ANKRD36C: variants seen among roughly 807,000 people sequenced by gnomAD.
ANKRD36C encodes ankyrin repeat domain 36C.
A neutral mutation model predicts 276.4 loss-of-function variants in ANKRD36C; 61 were observed. The ratio of observed to expected loss-of-function variants is 0.22; its 90% CI spans 0.18 to 0.27. The LOEUF is 0.27. ANKRD36C is among the 10% of genes least tolerant of loss of function. The probability of loss-of-function intolerance (pLI) is 1.00; values close to 1 mark genes in which losing one functional copy is unlikely to be tolerated. For missense variants in ANKRD36C, 1,447 were observed against 2,032.3 expected, an observed-to-expected ratio of 0.71 and a Z score of 5.54; for synonymous variants, 483 against 680.1, an observed-to-expected ratio of 0.71 and a Z score of 4.51.
At chr2:95,949,467 G>C (rs1678139658) in intron 16 of ANKRD36C, among the ~76,000 whole-genome samples, 1 of 151,972 alleles carries the variant, frequency 6.6e-6, no homozygotes, top group Non-Finnish European at 1.5e-5. Context: ...CTCTTCAGCA[G>C]GGATCCATGG....
intron 16 of ANKRD36C, among the ~76,000 whole-genome samples, chr2:95,949,016 G>T (rs1664503113): frequency 6.6e-6 from 1 of 152,044 alleles, no homozygotes; most frequent in Non-Finnish European, 1.5e-5. Flanking sequence ...AGGTAGAAAA[G>T]GCACGGTCTC....
intron 14 of ANKRD36C, among the ~76,000 whole-genome samples, chr2:95,952,080 G>A (rs1174830426): frequency 4.7e-3 from 662 of 140,252 alleles, no homozygotes; most frequent in African/African-American, 0.021. Flanking sequence ...GAAGTGAAAT[G>A]AAAGAATAGA....
At chr2:95,925,230 C>A in intron 30 of ANKRD36C, 122 bp downstream of exon 30, 1 of 1,472,488 alleles carries the variant, frequency 6.8e-7, no homozygotes, top group Non-Finnish European at 9.2e-7. Flanking sequence ...TAGAAATGCA[C>A]AATCTCAGGC....
At chr2:95,976,956 G>C (rs1678824500) in intron 6 of ANKRD36C, among the ~76,000 whole-genome samples, 1 of 151,906 alleles carries the variant, frequency 6.6e-6, no homozygotes, top group South Asian at 2.1e-4. Flanking sequence ...TGGGGGTGTG[G>C]AGGGAAAGTT....
At chr2:95,894,536 A>G (rs1273066334) in intron 44 of ANKRD36C, among the ~76,000 whole-genome samples, 7 of 151,366 alleles carry the variant, frequency 4.6e-5, no homozygotes, top group Admixed American at 3.3e-4. Context: ...TCACTCTAGG[A>G]CTTAATTAGA....
chr2:95,857,682 C>T (rs4907283), intron 61 of ANKRD36C, among the ~76,000 whole-genome samples, 190 bp from the exon 82 acceptor site: 40,144 of 148,430 alleles, frequency 0.27, 4,745 homozygotes, highest in East Asian at 0.42. Context: ...CATAACCTTA[C>T]GAGACAAGGA....
At chr2:95,982,172 T>C in intron 4 of ANKRD36C, 84 bp downstream of exon 4, 1 of 1,047,452 alleles carries the variant, frequency 9.5e-7, no homozygotes, top group Non-Finnish European at 1.4e-6. Flanking sequence ...CTTATTAATG[T>C]AAAATTTGTG....
At position 95,910,463 on chromosome 2, in the gene ANKRD36C, C is replaced by A. The variant is rs138068429; in HGVS notation, c.2653+1781G>T. On this transcript the variant is annotated intron_variant, in intron 42 of 66. Coordinates refer to ENST00000456556, the Ensembl canonical transcript of ANKRD36C. ...CTTGTAGCCTGAATAGAATTTGAAA[C>A]GAAATAATAAATAAATAAAGTATGT... The A allele has an allele frequency of 6.3e-7, 1 of 1,583,866 alleles. No individual in the cohort carries two copies. Among genetic ancestry groups the A allele is most frequent in the Non-Finnish European group, 8.6e-7 (1 of 1,165,414 alleles).
At chr2:95,966,336 AT>A (rs201020567) in intron 6 of ANKRD36C, among the ~76,000 whole-genome samples, 6,893 of 152,256 alleles carry the variant, frequency 0.045, 231 homozygotes, top group Non-Finnish European at 0.069. Context: ...TCTTGAGTTA[AT>A]TTTTGTATAA....
exon 63 of ANKRD36C, chr2:95,855,549 T>G (rs5005869): frequency 1.2e-6 from 2 of 1,610,766 alleles, no homozygotes; most frequent in Non-Finnish European, 1.7e-6. Flanking sequence ...TTCCATTGTA[T>G]TGTATCCACT....
At chr2:95,862,421 T>C (rs1451392829) in intron 60 of ANKRD36C, among the ~76,000 whole-genome samples, 9 of 151,724 alleles carry the variant, frequency 5.9e-5, no homozygotes, top group African/African-American at 2.2e-4. Context: ...GTAACACACA[T>C]CTAAATAACC....
At chr2:95,965,138 C>G (rs2443889) in intron 6 of ANKRD36C, among the ~76,000 whole-genome samples, 4 of 151,516 alleles carry the variant, frequency 2.6e-5, no homozygotes, top group Non-Finnish European at 5.9e-5. Flanking sequence ...CATGAGACAG[C>G]AAATAAATAT....
chr2:95,910,639 G>C, intron 42 of ANKRD36C, 71 bp from the exon 45 acceptor site: 1 of 1,596,538 alleles, frequency 6.3e-7, no homozygotes, highest in Non-Finnish European at 8.5e-7. Context: ...TTCATGCAGC[G>C]TTAGCATCAA....
Position 95,902,703 on chromosome 2 carries a change from T to G in ANKRD36C, c.2654-3367A>C, listed in dbSNP as rs563864238. 2.1e-3 allele frequency among the ~76,000 whole-genome samples: 308 copies of G among 150,228 alleles called. 6 individuals are homozygous for G. The highest frequency in any genetic ancestry group is 5.7e-3 in the African/African-American group (234 of 41,050). ...AATATGGGGAAGTGTATAATCTTAC[T>G]GCGAAGATCATGTTCCAGACCAGCA... On this transcript the variant is annotated intron_variant, in intron 42 of 66. Coordinates refer to ENST00000456556, the Ensembl canonical transcript of ANKRD36C.
chr2:95,952,428 C>T (rs1469862504), intron 14 of ANKRD36C, among the ~76,000 whole-genome samples: 1 of 149,062 alleles, frequency 6.7e-6, no homozygotes, highest in Non-Finnish European at 1.5e-5. Context: ...AATAAAATTC[C>T]AGCAACTTAA....
At position 95,920,734 on chromosome 2, in the gene ANKRD36C, G is replaced by A. The variant is rs1236935937; in HGVS notation, c.2245+873C>T. Among the ~76,000 whole-genome samples, 12 of 143,192 alleles carry A rather than the reference G, an allele frequency of 8.4e-5. 1 individual carries two copies. The highest frequency in any genetic ancestry group is 2.8e-4 in the African/African-American group (11 of 39,054). 93.9% of individuals were successfully genotyped at this position (143,192 alleles called of 152,430 possible). Reference sequence around the variant, plus strand: ...TTCATTGAAAATGACCATTTTAGGAGTTAATTAGAATTCAACATAATTTTT... The same window carrying A: ...TTCATTGAAAATGACCATTTTAGGAATTAATTAGAATTCAACATAATTTTT... On this transcript the variant is annotated intron_variant, in intron 34 of 66. Transcript: ENST00000456556.
intron 19 of ANKRD36C, among the ~76,000 whole-genome samples, chr2:95,944,173 C>A (rs1677971397): frequency 6.6e-6 from 1 of 152,180 alleles, no homozygotes; most frequent in Non-Finnish European, 1.5e-5. Flanking sequence ...ATTCTACTGT[C>A]ATTTAAATTC....
At chr2:95,878,482 C>A (rs1676004371) in intron 58 of ANKRD36C, among the ~76,000 whole-genome samples, 1 of 152,130 alleles carries the variant, frequency 6.6e-6, no homozygotes, top group Non-Finnish European at 1.5e-5. Flanking sequence ...AAATAAATTT[C>A]ATTTGATTAA....
At position 95,906,547 on chromosome 2, in the gene ANKRD36C, C is replaced by T. The variant is rs1573754361; in HGVS notation, c.2653+5697G>A. The T allele has an allele frequency of 3.1e-5, 7 of 223,518 alleles. 2 individuals carry two copies. The highest frequency in any genetic ancestry group is 8.1e-5 in the Admixed American group (1 of 12,376). 13.8% of individuals were successfully genotyped at this position (223,518 alleles called of 1,614,324 possible). On this transcript the variant is annotated intron_variant, in intron 42 of 66. Transcript: ENST00000456556. ...CCTACTGAATCAGAATGTGCAGTTT[C>T]GACCAGCCCCCCACTGATTTATTCG...
Sources: allele counts gnomAD v4.1 joint callset (sites outside exome capture counted in the v4.1 genomes callset), GRCh38; gene constraint gnomAD v4.1.1; transcripts MANE v1.5; gene names NCBI Gene and HGNC (gene_info 2026-07-23, HGNC 2026-07-21).